Variants in ENG observed in about 807,000 individuals in gnomAD.
ENG encodes the protein CD105 antigen.
ENG carries 17 observed loss-of-function variants against 71.0 expected under a neutral mutation model. The observed-to-expected ratio is 0.24, with a 90% confidence interval of 0.16 to 0.36. ENG has a LOEUF of 0.36. Ranked by LOEUF, ENG falls within the 10% of genes least tolerant of loss-of-function variation. ENG has a pLI of 1.00. For synonymous variants in ENG, 360 were observed against 366.9 expected, an observed-to-expected ratio of 0.98 and a Z score of 0.21; for missense variants, 749 against 868.3, an observed-to-expected ratio of 0.86 and a Z score of 1.73.
At chr9:127,816,956 A>G (rs1211462178) in intron 13 of ENG, 193 bp downstream of exon 13, 14 of 671,334 alleles carry the variant, frequency 2.1e-5, no homozygotes, top group Middle Eastern at 4.0e-4. Context: ...CTCCATCTGC[A>G]AAGTGCAGCT....
At position 127,819,626 on chromosome 9, in the gene ENG, T is replaced by C; in HGVS notation, c.1307A>G (p.Gln436Arg). The stretch of plus-strand genomic sequence containing the variant: ...GCACGTGACTGTCCATCTCACCCGC[T>C]GTGGTGATGAGCTCGACAGGATATT... ...VVNILSSSSP[Q>R]RKKVHCLNMD... is the part of the protein sequence containing the mutation. Residue 436 changes from glutamine (Q) to arginine (R), a missense_variant, in exon 10 of 15, where the codon CAG becomes CGG. Transcript: ENST00000373203. The C allele has an allele frequency of 1.2e-6, 2 of 1,613,202 alleles. No homozygotes were observed. Among genetic ancestry groups the C allele is most frequent in the Non-Finnish European group, 1.7e-6 (2 of 1,179,776 alleles).
At chr9:127,828,255 G>A (rs372128021) in intron 3 of ENG, among the ~76,000 whole-genome samples, 20 of 152,290 alleles carry the variant, frequency 1.3e-4, no homozygotes, top group African/African-American at 4.3e-4. Context: ...CCCAGCCCGC[G>A]GAATGGGAAA....
intron 2 of ENG, among the ~76,000 whole-genome samples, chr9:127,834,569 T>TA (rs1340379391): frequency 2.0e-5 from 3 of 152,144 alleles, no homozygotes; most frequent in African/African-American, 7.2e-5. Flanking sequence ...TGCGCCTGGC[T>TA]AGTTTTTGTA....
At chr9:127,832,069 CTTTTTTTTTT>C (rs1041729379) in intron 2 of ENG, among the ~76,000 whole-genome samples, 34 of 83,618 alleles carry the variant, frequency 4.1e-4, no homozygotes, top group South Asian at 1.9e-3. Flanking sequence ...AGCTACCATT[CTTTTTTTTTT>C]TTTTTTTTTT....
At chr9:127,834,745 G>A (rs1484114837) in intron 2 of ENG, among the ~76,000 whole-genome samples, 1 of 150,046 alleles carries the variant, frequency 6.7e-6, no homozygotes, top group Non-Finnish European at 1.5e-5. Flanking sequence ...CACCTTTTTG[G>A]CCACAATGGT....
intron 2 of ENG, among the ~76,000 whole-genome samples, chr9:127,835,240 C>T (rs1182823050): frequency 6.6e-6 from 1 of 152,144 alleles, no homozygotes; most frequent in Non-Finnish European, 1.5e-5. Context: ...CTCAAACAAT[C>T]CACCCACCTC....
chr9:127,842,225 C>CT lies in ENG; in HGVS notation c.219+868dup, dbSNP rs58446681. On this transcript the variant is annotated intron_variant, in intron 2 of 14. Transcript: ENST00000373203. The stretch of plus-strand genomic sequence containing the variant: ...TGAAAAGCACTTCTCTTTTTCTTTT[C>CT]TTTTTTTTTTTTTTTTTTTGAGACA... Among the ~76,000 whole-genome samples the CT allele has an allele frequency of 3.3e-3, 384 of 115,980 alleles. 2 individuals are homozygous for CT. Among genetic ancestry groups the CT allele is most frequent in the African/African-American group, 0.012 (368 of 31,168 alleles). 76.1% of individuals were successfully genotyped at this position (115,980 alleles called of 152,430 possible).
At position 127,815,935 on chromosome 9, in the gene ENG, G is replaced by T. The variant is rs1021923141; in HGVS notation, c.1852+8C>A. 1 of 1,591,692 alleles carries T rather than the reference G, an allele frequency of 6.3e-7. No individual in the cohort carries two copies. Among genetic ancestry groups the T allele is most frequent in the Middle Eastern group, 1.7e-4 (1 of 5,926 alleles). ...GGCATGCTCACTGTGGGGGCCTGGG[G>T]TACTCACGCGTGTGCGAGTAGATGT... On this transcript the variant is annotated splice_region_variant and intron_variant, in intron 14 of 14. Transcript: ENST00000373203.
intron 2 of ENG, among the ~76,000 whole-genome samples, chr9:127,833,499 G>A (rs1035676512): frequency 7.0e-6 from 1 of 143,336 alleles, no homozygotes; most frequent in African/African-American, 2.6e-5. Context: ...TCTAGCCTGG[G>A]CAGCAAGAGT....
intron 2 of ENG, among the ~76,000 whole-genome samples, chr9:127,835,007 AT>A (rs1564459885): frequency 6.6e-6 from 1 of 151,072 alleles, no homozygotes; most frequent in Non-Finnish European, 1.5e-5. Context: ...TATATATATA[AT>A]TTTTTTCTTT....
Position 127,817,135 on chromosome 9 carries a change from T to C in ENG, c.1741+14A>G, listed in dbSNP as rs1830341884. 1 of 1,614,012 alleles carries C rather than the reference T, an allele frequency of 6.2e-7. No individual in the cohort carries two copies. Reference sequence around the variant, plus strand: ...GCCACTAGAACAAACCCGAGAGACCTGGAGGGAGCTCACCAGACAGGTCAG... The same window carrying C: ...GCCACTAGAACAAACCCGAGAGACCCGGAGGGAGCTCACCAGACAGGTCAG... On this transcript the variant is annotated intron_variant, in intron 13 of 14. Coordinates refer to ENST00000373203, the MANE Select transcript of ENG (RefSeq NM_001114753.3).
At chr9:127,848,574 A>G (rs1486437156) in intron 1 of ENG, among the ~76,000 whole-genome samples, 1 of 152,168 alleles carries the variant, frequency 6.6e-6, no homozygotes, top group African/African-American at 2.4e-5. Context: ...ATGAGCCACC[A>G]TGCCCAGCCC....
chr9:127,847,721 G>A (rs527475369), intron 1 of ENG, among the ~76,000 whole-genome samples: 2 of 152,182 alleles, frequency 1.3e-5, no homozygotes, highest in East Asian at 1.9e-4. Flanking sequence ...AGGAAGATAC[G>A]TTTCAACAAG....
At chr9:127,819,851 G>C in intron 9 of ENG, 49 bp downstream of exon 9, 4 of 1,614,026 alleles carry the variant, frequency 2.5e-6, no homozygotes, top group Middle Eastern at 3.3e-4. Flanking sequence ...GGCACCTGAG[G>C]GGGCACCAAC....
intron 14 of ENG, 25 bp from the exon 15 acceptor site, chr9:127,815,831 G>T (rs527434253): frequency 6.5e-7 from 1 of 1,548,356 alleles, no homozygotes; most frequent in Non-Finnish European, 8.7e-7. Flanking sequence ...GGGGGCAGGG[G>T]CGGAGGTCAG....
Position 127,849,728 on chromosome 9 carries a change from C to A in ENG, c.67+4561G>T, listed in dbSNP as rs143524160. Among the ~76,000 whole-genome samples, 195 of 152,264 alleles carry A rather than the reference C, an allele frequency of 1.3e-3. 2 individuals carry two copies. Among genetic ancestry groups the A allele is most frequent in the Middle Eastern group, 6.8e-3 (2 of 294 alleles). ...GAGTGCCTGCGGGGAGAAGATCAGG[C>A]AAGAGGAAGATCCCCATCCTCTCCA... On this transcript the variant is annotated intron_variant, in intron 1 of 14. Coordinates refer to ENST00000373203, the MANE Select transcript of ENG (RefSeq NM_001114753.3).
At chr9:127,821,102 G>A (rs1036924293) in intron 8 of ENG, 1 of 152,098 alleles carries the variant, frequency 6.6e-6, no homozygotes, top group African/African-American at 2.4e-5. Flanking sequence ...TGGTGATGCT[G>A]GTGTAAGCAA....
Position 127,817,360 on chromosome 9 carries a change from C to G in ENG, c.1687-157G>C, listed in dbSNP as rs5031027. The G allele has an allele frequency of 2.0e-3, 1,514 of 760,282 alleles. 17 individuals are homozygous for G. In the African/African-American group the frequency reaches 0.023, roughly 12 times the overall value. The allele number at this position is 760,282 out of a possible 1,614,324, so 47.1% of individuals were successfully genotyped here. On this transcript the variant is annotated intron_variant, in intron 12 of 14. Coordinates refer to ENST00000373203, the MANE Select transcript of ENG (RefSeq NM_001114753.3). ...TGCCTCTGGGTGAGTCCTGGAAGAT[C>G]TGTGCTGTGGGAGGGTGCCTAGTGG...
intron 2 of ENG, among the ~76,000 whole-genome samples, chr9:127,831,285 C>T (rs1224371426): frequency 2.0e-5 from 3 of 151,124 alleles, no homozygotes; most frequent in Non-Finnish European, 3.0e-5. Context: ...CTCAGCCTCC[C>T]GAGTAGCTGG....
Sources: allele counts gnomAD v4.1 joint callset (sites outside exome capture counted in the v4.1 genomes callset), GRCh38; gene constraint gnomAD v4.1.1; transcripts MANE v1.5; gene names NCBI Gene and HGNC (gene_info 2026-07-23, HGNC 2026-07-21).